The following GADL1 variants were observed in gnomAD, a reference collection of about 807,000 sequenced individuals.
GADL1 encodes acidic amino acid decarboxylase GADL1.
In GADL1, 71 loss-of-function variants were observed where a neutral mutation model predicts 69.5. The ratio of observed to expected loss-of-function variants is 1.02; its 90% CI spans 0.84 to 1.25. The LOEUF is 1.25. Ranked by LOEUF, GADL1 falls within the 50% of genes most tolerant of loss-of-function variation. The pLI is 0.00. For synonymous variants in GADL1, 254 were observed against 214.4 expected (o/e 1.18, Z -1.62); for missense variants, 737 against 631.8 (o/e 1.17, Z -1.79).
At chr3:30,807,439 C>T (rs548416074) in intron 11 of GADL1, among the ~76,000 whole-genome samples, 18 of 152,324 alleles carry the variant, frequency 1.2e-4, no homozygotes, top group South Asian at 8.3e-4. Flanking sequence ...GTTATCAATG[C>T]TCTACATCCT....
At chr3:30,753,050 C>T (rs1428142169) in intron 14 of GADL1, among the ~76,000 whole-genome samples, 1 of 152,114 alleles carries the variant, frequency 6.6e-6, no homozygotes, top group Non-Finnish European at 1.5e-5. Flanking sequence ...CTTCTTAAAC[C>T]AGCTACTCTT....
At chr3:30,859,343 G>A (rs1698279684) in intron 2 of GADL1, among the ~76,000 whole-genome samples, 1 of 151,872 alleles carries the variant, frequency 6.6e-6, no homozygotes, top group Non-Finnish European at 1.5e-5. Context: ...ACAATCAAAA[G>A]GAATGACTAC....
At chr3:30,741,749 A>C (rs1200995630) in intron 14 of GADL1, among the ~76,000 whole-genome samples, 3 of 152,188 alleles carry the variant, frequency 2.0e-5, no homozygotes, top group Non-Finnish European at 4.4e-5. Flanking sequence ...TTCAGTTTCA[A>C]AATGAGGTAA....
Position 30,854,742 on chromosome 3 carries a change from A to G in GADL1, c.385T>C (p.Ser129Pro). Residue 129 changes from serine to proline, a missense_variant, in exon 4 of 15, where the codon TCC becomes CCC. Transcript: ENST00000282538. ...TCGGTCATAAATCGGGCCACCAAGG[A>G]GTAATAATCAAGTCCAGCATACAAT... ...NQLYAGLDYY[S>P]LVARFMTEAL... The G allele has an allele frequency of 1.3e-6, 2 of 1,550,062 alleles. No homozygotes were observed. The highest frequency in any genetic ancestry group is 1.7e-6 in the Non-Finnish European group (2 of 1,145,788).
chr3:30,817,472 T>C (rs1010335810), intron 11 of GADL1, among the ~76,000 whole-genome samples: 13 of 152,318 alleles, frequency 8.5e-5, no homozygotes, highest in Admixed American at 6.5e-5. Flanking sequence ...TAGATTTCAA[T>C]TGAACTTTTT....
intron 3 of GADL1, 98 bp from the exon 4 acceptor site, chr3:30,854,887 G>A: frequency 1.5e-6 from 1 of 667,184 alleles, no homozygotes; most frequent in Admixed American, 2.8e-5. Flanking sequence ...AATGAAAGCA[G>A]ACACACACAG....
chr3:30,816,008 C>A (rs1178429957), intron 11 of GADL1, among the ~76,000 whole-genome samples: 1 of 152,112 alleles, frequency 6.6e-6, no homozygotes, highest in African/African-American at 2.4e-5. Flanking sequence ...ATAGTCCCTA[C>A]CTCATGGGAT....
At chr3:30,799,539 A>G (rs922002849) in intron 12 of GADL1, 1 of 152,174 alleles carries the variant, frequency 6.6e-6, no homozygotes, top group Non-Finnish European at 1.5e-5. Context: ...AGGGACTGCC[A>G]TGAAGACCTA....
chr3:30,815,573 G>A (rs1337999637), intron 11 of GADL1, among the ~76,000 whole-genome samples: 4 of 152,162 alleles, frequency 2.6e-5, no homozygotes, highest in African/African-American at 4.8e-5. Flanking sequence ...GAGGGAAAGT[G>A]TAATGAGAAA....
intron 11 of GADL1, among the ~76,000 whole-genome samples, chr3:30,832,653 G>A (rs561763721): frequency 6.6e-6 from 1 of 152,032 alleles, no homozygotes; most frequent in East Asian, 1.9e-4. Context: ...AGAAAACTTG[G>A]GTTTATTCCT....
chr3:30,737,197 G>A (rs1695552273), intron 14 of GADL1, among the ~76,000 whole-genome samples: 1 of 152,104 alleles, frequency 6.6e-6, no homozygotes, highest in South Asian at 2.1e-4. Flanking sequence ...TCTTTTTCAT[G>A]ATGTAAGTTT....
In GADL1 at chr3:30,850,076, C is replaced by G. The variant is rs1481103697; in HGVS notation, c.571G>C (p.Ala191Pro). Residue 191 changes from alanine (A) to proline (P), a missense_variant, in exon 6 of 15, where the codon GCT becomes CCT. Physicochemically the swap from Ala to Pro is conservative, Grantham distance 27 (BLOSUM62 -1). Coordinates refer to ENST00000282538, the MANE Select transcript of GADL1 (RefSeq NM_207359.3). The part of the protein sequence containing the change: ...SVSNMYAMNL[A>P]RYKYCPDIKE... ...ATATCAGGACAATATTTGTATCTAGCTAAATTCATTGCATACATATTGGAC... is the reference window on the plus strand; with the variant it reads ...ATATCAGGACAATATTTGTATCTAGGTAAATTCATTGCATACATATTGGAC... The G allele has an allele frequency of 5.0e-6, 8 of 1,610,232 alleles. No homozygotes were observed. The Admixed American group carries it at 1.3e-4, about 27-fold the overall frequency.
chr3:30,824,666 C>T (rs1697652977), intron 11 of GADL1, among the ~76,000 whole-genome samples: 2 of 151,184 alleles, frequency 1.3e-5, no homozygotes. Context: ...GCTTGAGCAA[C>T]AACAAAAATC....
chr3:30,774,072 AAGATTTTATCCTGTG>A (rs1696479806), intron 14 of GADL1, among the ~76,000 whole-genome samples: 1 of 152,190 alleles, frequency 6.6e-6, no homozygotes, highest in South Asian at 2.1e-4. Flanking sequence ...AAGATATGGT[AAGATTTTATCCTGTG>A]AGACAGTGGT....
rs1256653849 is a variant in GADL1 at position 30,801,108 on chromosome 3, A to G, written c.1051-20T>C. 1.4e-5 allele frequency: 19 copies of G among 1,343,124 alleles called. No homozygotes were observed. The highest frequency in any genetic ancestry group is 7.4e-6 in the Non-Finnish European group (7 of 941,768). 83.2% of individuals were successfully genotyped at this position (1,343,124 alleles called of 1,614,324 possible). A position where few individuals can be genotyped will look rare whatever the true frequency, so the allele number is the denominator to read the frequency against. ...AAGATCCTTCGAAAAAGAAAAGATT[A>G]CAAGACTGTTAAACTTTAGAATATA... On this transcript the variant is annotated intron_variant, in intron 11 of 14. Coordinates refer to ENST00000282538, the MANE Select transcript of GADL1 (RefSeq NM_207359.3).
At chr3:30,837,874 G>A (rs769773564) in intron 9 of GADL1, among the ~76,000 whole-genome samples, 3 of 152,122 alleles carry the variant, frequency 2.0e-5, no homozygotes, top group Middle Eastern at 6.8e-3. Flanking sequence ...AACGAGTCAC[G>A]GATAATCTAC....
At chr3:30,797,770 G>T (rs1697074973) in intron 12 of GADL1, 1 of 151,848 alleles carries the variant, frequency 6.6e-6, no homozygotes, top group African/African-American at 2.4e-5. Flanking sequence ...GTGGGATTGA[G>T]AGCATTCTAA....
At chr3:30,847,913 A>G (rs554576901) in intron 6 of GADL1, among the ~76,000 whole-genome samples, 94 of 152,286 alleles carry the variant, frequency 6.2e-4, no homozygotes, top group Non-Finnish European at 1.0e-3. Context: ...CTTCCACGTA[A>G]TATCTTTTCC....
rs138698372 is a variant in GADL1 at position 30,726,570 on chromosome 3, T to C, written c.*1672A>G. On this transcript the variant is annotated 3_prime_UTR_variant, in exon 15 of 15. Coordinates refer to ENST00000282538, the MANE Select transcript of GADL1 (RefSeq NM_207359.3). ...GACAGATTTAATATTCTTTGACCAA[T>C]AGAGATACCGAGAAACTGTGCACAC... 64 of 151,992 alleles carry C rather than the reference T, an allele frequency of 4.2e-4. No individual in the cohort carries two copies. The highest frequency in any genetic ancestry group is 1.4e-3 in the African/African-American group (59 of 41,468). The allele number at this position is 151,992 out of a possible 1,614,324, so 9.4% of individuals were successfully genotyped here.
Sources: gnomAD v4.1 joint callset for allele counts (sites outside exome capture counted in the v4.1 genomes callset) on GRCh38, gnomAD v4.1.1 for gene constraint, MANE v1.5 for transcripts, NCBI Gene and HGNC (gene_info 2026-07-23, HGNC 2026-07-21) for gene names.